The following LONP2 variants were observed in gnomAD, a reference collection of about 807,000 sequenced individuals.
LONP2 encodes lon peptidase 2, peroxisomal.
In LONP2, 60 loss-of-function variants were observed where a neutral mutation model predicts 85.6. That is an observed-to-expected ratio of 0.70 (90% CI 0.57 to 0.87). LONP2 has a LOEUF of 0.87. Among genes scored for constraint, LONP2 ranks in the 40% least tolerant of loss-of-function variants. LONP2 has a pLI of 0.00. For missense variants in LONP2, 860 were observed against 1,063.5 expected (o/e 0.81, Z 2.66); for synonymous variants, 395 against 389.7 (o/e 1.01, Z -0.16).
chr16:48,342,260 T>C (rs1453780498), intron 12 of LONP2, among the ~76,000 whole-genome samples: 1 of 152,136 alleles, frequency 6.6e-6, no homozygotes, highest in Non-Finnish European at 1.5e-5. Context: ...AAGAAGAGGA[T>C]AGACATGAAG....
chr16:48,282,174 C>T (rs969146043), intron 8 of LONP2, among the ~76,000 whole-genome samples: 7 of 151,838 alleles, frequency 4.6e-5, no homozygotes, highest in African/African-American at 1.7e-4. Flanking sequence ...TTTGGGAGGC[C>T]GAGGCGGGTG....
At chr16:48,263,851 G>A (rs1167498954) in intron 6 of LONP2, among the ~76,000 whole-genome samples, 1 of 152,162 alleles carries the variant, frequency 6.6e-6, no homozygotes, top group African/African-American at 2.4e-5. Flanking sequence ...ATTTTCCTAA[G>A]CATTGGCTGG....
At chr16:48,349,389 G>T (rs1960070870) in intron 14 of LONP2, among the ~76,000 whole-genome samples, 1 of 152,124 alleles carries the variant, frequency 6.6e-6, no homozygotes, top group Non-Finnish European at 1.5e-5. Context: ...TCCTGCCTCA[G>T]TCTCTCAACT....
Position 48,258,665 on chromosome 16 carries a change from A to C in LONP2, c.648A>C (p.Pro216=). Residue 216 remains proline, a synonymous_variant, in exon 4 of 15, where the codon CCA becomes CCC. Transcript: ENST00000285737. The part of the protein sequence containing the change: ...SLEERFKMTI[P]LLVRQIEGLK... ...AGGAGCGGTTCAAGATGACTATACC[A>C]CTGCTTGTCAGACAAATTGAAGGCC... 2 of 1,612,006 alleles carry C rather than the reference A, an allele frequency of 1.2e-6. No homozygotes were observed. The highest frequency in any genetic ancestry group is 2.2e-5 in the East Asian group (1 of 44,728).
intron 12 of LONP2, chr16:48,334,615 A>G: frequency 2.2e-5 from 14 of 635,248 alleles, no homozygotes; most frequent in Non-Finnish European, 4.1e-5. Flanking sequence ...GGCAGAGGGA[A>G]GGCTCCGTAA....
downstream of LONP2, chr16:48,361,512 A>G (rs1436525331): frequency 6.5e-7 from 1 of 1,534,344 alleles, no homozygotes; most frequent in Non-Finnish European, 8.9e-7. Flanking sequence ...GTTGGCAGAC[A>G]GATGGGTGCC....
At chr16:48,296,695 C>T (rs543865492) in intron 9 of LONP2, among the ~76,000 whole-genome samples, 212 of 149,886 alleles carry the variant, frequency 1.4e-3, no homozygotes, top group African/African-American at 4.9e-3. Flanking sequence ...TGCACTCCAG[C>T]CTGGGTGACA....
Position 48,354,196 on chromosome 16 carries a change from C to CTTTTTTTTTTTTT in LONP2, c.*2411_*2423dup, listed in dbSNP as rs1159788312. The stretch of plus-strand genomic sequence containing the variant: ...GATCTAAGCATGTCCACTCTACACG[C>CTTTTTTTTTTTTT]TTTTTTTTTTTTTTTTTTTTTTTTT... On this transcript the variant is annotated 3_prime_UTR_variant, in exon 15 of 15. Transcript: ENST00000285737. 5 of 46,202 alleles carry CTTTTTTTTTTTTT rather than the reference C, an allele frequency of 1.1e-4. No individual in the cohort carries two copies. Among genetic ancestry groups the CTTTTTTTTTTTTT allele is most frequent in the African/African-American group, 3.8e-4 (4 of 10,578 alleles). 2.9% of individuals were successfully genotyped at this position (46,202 alleles called of 1,614,324 possible).
chr16:48,324,701 T>A (rs1391048129), intron 11 of LONP2, among the ~76,000 whole-genome samples: 1 of 152,178 alleles, frequency 6.6e-6, no homozygotes, highest in Admixed American at 6.5e-5. Flanking sequence ...CAATTGACTC[T>A]TTTGGTAAGG....
At chr16:48,312,439 A>T (rs1385552074) in intron 11 of LONP2, among the ~76,000 whole-genome samples, 2 of 148,366 alleles carry the variant, frequency 1.3e-5, no homozygotes, top group African/African-American at 5.0e-5. Flanking sequence ...ATTATTTTTT[A>T]GTTTACTTTT....
intron 12 of LONP2, chr16:48,344,241 A>G (rs1028831031): frequency 2.6e-5 from 4 of 152,174 alleles, no homozygotes; most frequent in Admixed American, 1.3e-4. Context: ...CAGATGCTTG[A>G]TATAGTTTCA....
At chr16:48,271,468 T>G (rs1028183942) in intron 7 of LONP2, among the ~76,000 whole-genome samples, 3 of 152,254 alleles carry the variant, frequency 2.0e-5, no homozygotes, top group African/African-American at 7.2e-5. Context: ...TCTATGTGCC[T>G]TATTCAAAGG....
At chr16:48,282,918 G>A (rs1267621587) in intron 8 of LONP2, among the ~76,000 whole-genome samples, 2 of 152,190 alleles carry the variant, frequency 1.3e-5, no homozygotes, top group African/African-American at 4.8e-5. Context: ...TGTGAGTTCA[G>A]AGGAAAAATT....
chr16:48,357,698 G>A (rs746138277), downstream of LONP2, among the ~76,000 whole-genome samples: 2 of 152,178 alleles, frequency 1.3e-5, no homozygotes, highest in Non-Finnish European at 2.9e-5. Flanking sequence ...TCTACCATTA[G>A]TAGAATCACT....
intron 11 of LONP2, among the ~76,000 whole-genome samples, chr16:48,313,300 T>G (rs1973073050): frequency 6.6e-6 from 1 of 152,210 alleles, no homozygotes; most frequent in Non-Finnish European, 1.5e-5. Flanking sequence ...TTCATTTATT[T>G]AAGTCTTCTT....
At chr16:48,285,288 C>G (rs1380188940) in intron 8 of LONP2, among the ~76,000 whole-genome samples, 1 of 152,030 alleles carries the variant, frequency 6.6e-6, no homozygotes. Context: ...CTTTGTCTTT[C>G]ATTTCTGACA....
At chr16:48,334,158 T>G in intron 11 of LONP2, 58 bp from the exon 12 acceptor site, 1 of 1,546,262 alleles carries the variant, frequency 6.5e-7, no homozygotes, top group Admixed American at 1.8e-5. Flanking sequence ...TTACTGCTAG[T>G]GAATTTTCCA....
intron 6 of LONP2, among the ~76,000 whole-genome samples, chr16:48,267,623 G>A (rs567726312): frequency 6.6e-6 from 1 of 151,532 alleles, no homozygotes; most frequent in East Asian, 2.0e-4. Flanking sequence ...TTGTTTGTTT[G>A]TTCGTTTTTT....
chr16:48,252,008 T>A (rs907705818), intron 1 of LONP2, 123 bp from the exon 2 acceptor site: 12 of 698,896 alleles, frequency 1.7e-5, no homozygotes, highest in Non-Finnish European at 2.6e-5. Flanking sequence ...AGAGAAAAAA[T>A]TTATTTACAC....
Sources: gnomAD v4.1 joint callset for allele counts (sites outside exome capture counted in the v4.1 genomes callset) on GRCh38, gnomAD v4.1.1 for gene constraint, MANE v1.5 for transcripts, NCBI Gene and HGNC (gene_info 2026-07-23, HGNC 2026-07-21) for gene names.